Variants in IRAK1BP1 observed in about 807,000 individuals in gnomAD.
IRAK1BP1 encodes the protein interleukin-1 receptor-associated kinase 1-binding protein 1.
Under a neutral mutation model 28.0 loss-of-function variants are expected in IRAK1BP1, and 24 were observed. The ratio of observed to expected loss-of-function variants is 0.86; its 90% CI spans 0.62 to 1.20. IRAK1BP1 has a LOEUF of 1.20. Ranked by LOEUF, IRAK1BP1 falls within the 50% of genes most tolerant of loss-of-function variation. The pLI, the probability that IRAK1BP1 is intolerant of heterozygous loss-of-function variation, is 0.00. For synonymous variants in IRAK1BP1, 131 were observed against 116.3 expected, an observed-to-expected ratio of 1.13 and a Z score of -0.81; for missense variants, 336 against 316.7, an observed-to-expected ratio of 1.06 and a Z score of -0.46.
chr6:78,870,692 A>G (rs1427311673), intron 1 of IRAK1BP1, among the ~76,000 whole-genome samples: 2 of 151,888 alleles, frequency 1.3e-5, no homozygotes, highest in African/African-American at 4.8e-5. Flanking sequence ...CTTTCTTTTC[A>G]TTGTTCATTT....
chr6:78,947,537 T>C, downstream of IRAK1BP1: 1 of 658,344 alleles, frequency 1.5e-6, no homozygotes, highest in Non-Finnish European at 2.5e-6. Flanking sequence ...AACTTTGACC[T>C]AAATTTTAAG....
At chr6:78,889,298 G>A (rs1771545106) in intron 2 of IRAK1BP1, among the ~76,000 whole-genome samples, 1 of 151,938 alleles carries the variant, frequency 6.6e-6, no homozygotes, top group African/African-American at 2.4e-5. Flanking sequence ...AGACTTAAGT[G>A]TAAAACCTAA....
the IRAK1BP1 span, among the ~76,000 whole-genome samples, chr6:78,972,377 T>A: frequency 1.3e-5 from 2 of 152,148 alleles, no homozygotes; most frequent in East Asian, 3.9e-4. Flanking sequence ...AACCCATCTG[T>A]ACATCACCAT....
chr6:78,978,773 A>G, the IRAK1BP1 span: 1 of 1,306,880 alleles, frequency 7.7e-7, no homozygotes, highest in Non-Finnish European at 1.1e-6. Context: ...CCACAAATCT[A>G]CTCTTTAAAA....
chr6:78,903,971 T>C (rs991601080), downstream of IRAK1BP1, among the ~76,000 whole-genome samples: 17 of 152,290 alleles, frequency 1.1e-4, no homozygotes, highest in East Asian at 3.3e-3. Flanking sequence ...AGAGTAGGGC[T>C]ATGCTTGAAA....
intron 4 of IRAK1BP1, among the ~76,000 whole-genome samples, chr6:78,928,637 G>C (rs1419687961): frequency 1.3e-5 from 2 of 152,098 alleles, no homozygotes; most frequent in Non-Finnish European, 2.9e-5. Flanking sequence ...CACTCAGTAT[G>C]ATACTAGCTG....
chr6:78,978,652 T>G, the IRAK1BP1 span: 2 of 1,598,592 alleles, frequency 1.3e-6, no homozygotes, highest in Non-Finnish European at 1.7e-6. Flanking sequence ...TAATCCATGT[T>G]GATGGCAACC....
chr6:78,946,798 G>C, downstream of IRAK1BP1: 1 of 1,591,054 alleles, frequency 6.3e-7, no homozygotes, highest in South Asian at 1.1e-5. Context: ...AAAACGAAGA[G>C]CAGATTTATA....
chr6:78,867,602 C>G lies in IRAK1BP1; in HGVS notation c.26C>G (p.Thr9Ser), dbSNP rs1158037346. 11 of 1,614,044 alleles carry G rather than the reference C, an allele frequency of 6.8e-6. No homozygotes were observed. The highest frequency in any genetic ancestry group is 9.3e-6 in the Non-Finnish European group (11 of 1,180,030). The change falls in exon 1 of 4, where the codon ACC becomes AGC. Residue 9 changes from threonine (T) to serine (S), a missense_variant. Transcript: ENST00000369940. ...ATGTCTCTGCAAAAGACCCCTCCGA[C>G]CCGAGTGTTCGTGGAACTGGTTCCC... MSLQKTPP[T>S]RVFVELVPWA...
downstream of IRAK1BP1, among the ~76,000 whole-genome samples, chr6:78,949,418 C>T (rs1774014799): frequency 6.6e-6 from 1 of 152,144 alleles, no homozygotes; most frequent in African/African-American, 2.4e-5. Flanking sequence ...CTCTCACACA[C>T]TAAGCCAGTA....
intron 4 of IRAK1BP1, chr6:78,939,466 C>A (rs768054489): frequency 6.6e-6 from 1 of 151,584 alleles, no homozygotes; most frequent in Non-Finnish European, 1.5e-5. Context: ...TGAAAATAAC[C>A]AATTTCCCCC....
chr6:78,917,398 T>G (rs1366209727), intron 4 of IRAK1BP1, among the ~76,000 whole-genome samples: 1 of 151,930 alleles, frequency 6.6e-6, no homozygotes, highest in Non-Finnish European at 1.5e-5. Flanking sequence ...AAGAACAAAG[T>G]CTTTGAGAAG....
At chr6:78,929,067 A>C (rs1478190750) in intron 4 of IRAK1BP1, among the ~76,000 whole-genome samples, 1 of 152,046 alleles carries the variant, frequency 6.6e-6, no homozygotes, top group African/African-American at 2.4e-5. Flanking sequence ...TATTTTTTGG[A>C]ATAGTTTCAG....
chr6:78,885,197 G>A (rs1771373890), intron 1 of IRAK1BP1, among the ~76,000 whole-genome samples, 181 bp from the exon 2 acceptor site: 1 of 151,994 alleles, frequency 6.6e-6, no homozygotes, highest in African/African-American at 2.4e-5. Context: ...GAAATTTTAA[G>A]CAAAATCAAT....
At chr6:78,922,948 G>A (rs932921895) in intron 4 of IRAK1BP1, among the ~76,000 whole-genome samples, 31 of 152,162 alleles carry the variant, frequency 2.0e-4, no homozygotes, top group Admixed American at 4.6e-4. Flanking sequence ...AGGAACAATC[G>A]GTACCAGCCA....
At chr6:78,978,423 T>C in the IRAK1BP1 span, among the ~76,000 whole-genome samples, 8 of 152,138 alleles carry the variant, frequency 5.3e-5, no homozygotes, top group Non-Finnish European at 5.9e-5. Context: ...TCAAAGAAGA[T>C]TATTAGACTT....
At chr6:78,976,211 A>T in the IRAK1BP1 span, among the ~76,000 whole-genome samples, 1 of 149,576 alleles carries the variant, frequency 6.7e-6, no homozygotes, top group East Asian at 2.0e-4. Context: ...AGCCCTCAGA[A>T]ATAACGCCGC....
the IRAK1BP1 span, among the ~76,000 whole-genome samples, chr6:78,972,921 A>C: frequency 6.6e-6 from 1 of 152,206 alleles, no homozygotes; most frequent in African/African-American, 2.4e-5. Flanking sequence ...CCTGAAAGTG[A>C]TGGGGAGAAT....
At chr6:78,946,973 T>C (rs1773855921), downstream of IRAK1BP1, 1 of 646,492 alleles carries the variant, frequency 1.5e-6, no homozygotes, top group Non-Finnish European at 2.5e-6. Context: ...AAAAAATATT[T>C]AGAATTTAAT....
Sources: gnomAD v4.1 joint callset for allele counts (sites outside exome capture counted in the v4.1 genomes callset) on GRCh38, gnomAD v4.1.1 for gene constraint, MANE v1.5 for transcripts, NCBI Gene and HGNC (gene_info 2026-07-23, HGNC 2026-07-21) for gene names.